TBC1D14: variants seen among roughly 807,000 people sequenced by gnomAD.
TBC1D14 encodes TBC1 domain family, member 14.
TBC1D14 carries 26 observed loss-of-function variants against 79.0 expected under a neutral mutation model. The ratio of observed to expected loss-of-function variants is 0.33; its 90% CI spans 0.24 to 0.46. The LOEUF is 0.46. Among genes scored for constraint, TBC1D14 ranks in the 20% least tolerant of loss-of-function variants. TBC1D14 has a pLI of 1.00. For missense variants in TBC1D14, 769 were observed against 887.6 expected, an observed-to-expected ratio of 0.87 and a Z score of 1.70; for synonymous variants, 394 against 349.9, an observed-to-expected ratio of 1.13 and a Z score of -1.40.
In TBC1D14 at chr4:6,957,673, A is replaced by G. The variant is rs1458460762; in HGVS notation, c.723-9631A>G. Among the ~76,000 whole-genome samples the G allele has an allele frequency of 3.3e-5, 5 of 152,324 alleles. No individual in the cohort carries two copies. The South Asian group carries it at 6.2e-4, about 19-fold the overall frequency. On this transcript the variant is annotated intron_variant, in intron 2 of 13. Coordinates refer to ENST00000409757, the MANE Select transcript of TBC1D14 (RefSeq NM_020773.3). ...TTTATCTTAGAAAGTTAGAGGGAGA[A>G]GGCCAAGGCGGGAGCATGGCTTGAG...
At chr4:6,922,779 C>T (rs531660368) in intron 1 of TBC1D14, among the ~76,000 whole-genome samples, 6 of 152,284 alleles carry the variant, frequency 3.9e-5, no homozygotes, top group South Asian at 2.1e-4. Context: ...CCAGTCCTCA[C>T]GCTCCTGGTG....
rs1411777550 is a variant in TBC1D14, at chr4:6,909,905, G to GCGGGCCCGCGGGGCCTGGGCTT, written c.-57_-56insGCGGGGCCTGGGCTTCGGGCCC. 2.0e-5 allele frequency: 3 copies of GCGGGCCCGCGGGGCCTGGGCTT among 148,074 alleles called. No individual in the cohort carries two copies. In the East Asian group the frequency reaches 5.8e-4, roughly 29 times the overall value. The allele number at this position is 148,074 out of a possible 1,614,324, so 9.2% of individuals were successfully genotyped here. On this transcript the variant is annotated 5_prime_UTR_variant, in exon 1 of 14. Coordinates refer to ENST00000409757, the MANE Select transcript of TBC1D14 (RefSeq NM_020773.3). The stretch of plus-strand genomic sequence containing the variant: ...TTGCCGGTCCCGCGGGGCCTGGGCT[G>GCGGGCCCGCGGGGCCTGGGCTT]CGGGCCCACGGGTCCCGGGGATGGC...
rs145452083 is a variant in TBC1D14, at chr4:6,946,601, G to A, written c.723-20703G>A. 4.6e-3 allele frequency among the ~76,000 whole-genome samples: 694 copies of A among 152,242 alleles called. 8 individuals carry two copies. Among genetic ancestry groups the A allele is most frequent in the African/African-American group, 0.016 (675 of 41,528 alleles). ...CTTCCAAAGTGCTGGGATTACAGGC[G>A]TGAACCACCACATCCGGCCCCTTAG... On this transcript the variant is annotated intron_variant, in intron 2 of 13. Transcript: ENST00000409757.
At position 6,923,484 on chromosome 4, in the gene TBC1D14, A is replaced by G; in HGVS notation, c.95A>G (p.His32Arg). 1.2e-6 allele frequency: 2 copies of G among 1,614,166 alleles called. No homozygotes were observed. The highest frequency in any genetic ancestry group is 1.7e-6 in the Non-Finnish European group (2 of 1,180,030). Residue 32 changes from histidine (H) to arginine (R), a missense_variant, in exon 2 of 14, where the codon CAC becomes CGC. By Grantham distance (29) the His-to-Arg change is conservative (BLOSUM62 0). Around this residue, in one of 2 missense-constraint regions of TBC1D14, gnomAD observed 402 missense variants for 393.2 expected, o/e 1.02. Transcript: ENST00000409757. ...GGAAACCCCCTTCAGAACCTGCAAC[A>G]CGTCAATCTCAAGGCGCCCCGACTC... Reference protein sequence around the residue: ...RPGNPLQNLQHVNLKAPRLLS... With the variant: ...RPGNPLQNLQRVNLKAPRLLS...
At chr4:6,923,084 C>T (rs1723995752) in intron 1 of TBC1D14, among the ~76,000 whole-genome samples, 4 of 152,158 alleles carry the variant, frequency 2.6e-5, no homozygotes, top group Admixed American at 2.0e-4. Context: ...GCCTGTAATC[C>T]CAGCTACCTG....
intron 2 of TBC1D14, among the ~76,000 whole-genome samples, chr4:6,926,523 G>A (rs1577469127): frequency 6.6e-6 from 1 of 152,320 alleles, no homozygotes; most frequent in East Asian, 1.9e-4. Context: ...TCGTTGTGAT[G>A]GCTGTGACAT....
chr4:6,923,774 A>G lies in TBC1D14; in HGVS notation c.385A>G (p.Thr129Ala). Residue 129 changes from threonine to alanine, a missense_variant, in exon 2 of 14, where the codon ACG (threonine) becomes GCG (alanine). Thr to Ala is a moderately conservative substitution (Grantham distance 58). Around this residue, in one of 2 missense-constraint regions of TBC1D14, gnomAD observed 402 missense variants for 393.2 expected, o/e 1.02. Transcript: ENST00000409757. The stretch of plus-strand genomic sequence containing the variant: ...GGAACAGAGCGTGCGCAAATCCTCC[A>G]CGTTTCCCAGGACAGGCTATGACTC... ...EREQSVRKSS[T>A]FPRTGYDSVK... 6.2e-7 allele frequency: 1 copy of G among 1,613,924 alleles called. No individual in the cohort carries two copies. Among genetic ancestry groups the G allele is most frequent in the Non-Finnish European group, 8.5e-7 (1 of 1,180,008 alleles).
chr4:6,910,920 G>A (rs1722935487), intron 1 of TBC1D14, among the ~76,000 whole-genome samples: 1 of 152,216 alleles, frequency 6.6e-6, no homozygotes, highest in Non-Finnish European at 1.5e-5. Flanking sequence ...GAGGCTAGAT[G>A]AGGAGGGTAG....
intron 7 of TBC1D14, among the ~76,000 whole-genome samples, chr4:7,001,861 G>A (rs1313166792): frequency 2.0e-5 from 3 of 152,142 alleles, no homozygotes; most frequent in Admixed American, 6.5e-5. Context: ...CCAGGAGCCC[G>A]CAGACTTCAA....
chr4:6,980,300 G>A (rs1717247293), intron 3 of TBC1D14, among the ~76,000 whole-genome samples: 1 of 152,142 alleles, frequency 6.6e-6, no homozygotes, highest in African/African-American at 2.4e-5. Context: ...TCTAAATCAT[G>A]GGCCCATGAG....
chr4:7,007,629 C>T (rs1052534295), intron 9 of TBC1D14: 10 of 1,286,696 alleles, frequency 7.8e-6, no homozygotes, highest in Admixed American at 2.3e-5. Flanking sequence ...GTGTCTGGTG[C>T]GTGAGCCCAG....
intron 4 of TBC1D14, among the ~76,000 whole-genome samples, chr4:6,994,948 C>T (rs547221258): frequency 1.3e-5 from 2 of 151,866 alleles, no homozygotes; most frequent in South Asian, 4.2e-4. Context: ...AAATGGAGGA[C>T]TGGAAAGTTA....
At chr4:6,963,738 C>A (rs574247934) in intron 2 of TBC1D14, among the ~76,000 whole-genome samples, 1 of 152,338 alleles carries the variant, frequency 6.6e-6, no homozygotes, top group African/African-American at 2.4e-5. Context: ...TTTTTATGAG[C>A]TTTTCAAAAG....
intron 3 of TBC1D14, among the ~76,000 whole-genome samples, chr4:6,982,138 C>T (rs1304400322): frequency 1.3e-5 from 2 of 152,140 alleles, no homozygotes; most frequent in African/African-American, 2.4e-5. Context: ...TGTTTGCCAT[C>T]GAGAAATGAA....
intron 1 of TBC1D14, 23 bp from the exon 2 acceptor site, chr4:6,923,350 T>G: frequency 6.4e-7 from 1 of 1,562,062 alleles, no homozygotes; most frequent in Non-Finnish European, 8.7e-7. Flanking sequence ...CCACTTTAAT[T>G]TCCATGTTTG....
intron 3 of TBC1D14, among the ~76,000 whole-genome samples, chr4:6,970,353 G>C (rs1716112563): frequency 6.6e-6 from 1 of 152,200 alleles, no homozygotes; most frequent in Admixed American, 6.5e-5. Flanking sequence ...CTACAGTATG[G>C]AGAACAGTAG....
intron 1 of TBC1D14, among the ~76,000 whole-genome samples, chr4:6,919,040 A>G (rs755901582): frequency 6.6e-6 from 1 of 152,070 alleles, no homozygotes; most frequent in Non-Finnish European, 1.5e-5. Context: ...AACACTGAAA[A>G]CGTGTTCACG....
chr4:6,952,869 A>T (rs948102757), intron 2 of TBC1D14, among the ~76,000 whole-genome samples: 1 of 151,722 alleles, frequency 6.6e-6, no homozygotes, highest in African/African-American at 2.4e-5. Context: ...TGTTTTTGAG[A>T]TGGAGTCTCA....
At chr4:6,995,466 T>C (rs1350839469) in intron 4 of TBC1D14, 1 of 152,198 alleles carries the variant, frequency 6.6e-6, no homozygotes, top group African/African-American at 2.4e-5. Flanking sequence ...GTTGCAGTTA[T>C]GGATAATTGT....
Sources: allele counts gnomAD v4.1 joint callset (sites outside exome capture counted in the v4.1 genomes callset), GRCh38; gene constraint gnomAD v4.1.1; regional missense constraint gnomAD v4.1.1; transcripts MANE v1.5; gene names NCBI Gene and HGNC (gene_info 2026-07-23, HGNC 2026-07-21).